The following PAPSS1 variants were observed in gnomAD, a reference collection of about 807,000 sequenced individuals.
The protein encoded by PAPSS1 is 3'-phosphoadenosine 5'-phosphosulfate synthase 1, also known as bifunctional 3'-phosphoadenosine 5'-phosphosulfate synthase 1.
PAPSS1 carries 50 observed loss-of-function variants against 72.0 expected under a neutral mutation model. That is an observed-to-expected ratio of 0.69 (90% CI 0.55 to 0.88). The LOEUF is 0.88. Among genes scored for constraint, PAPSS1 ranks in the 40% least tolerant of loss-of-function variants. The pLI is 0.00. For synonymous variants in PAPSS1, 261 were observed against 263.6 expected (o/e 0.99, Z 0.09); for missense variants, 657 against 782.2 (o/e 0.84, Z 1.91).
At chr4:107,680,972 A>G (rs192492912) in intron 5 of PAPSS1, among the ~76,000 whole-genome samples, 1 of 152,332 alleles carries the variant, frequency 6.6e-6, no homozygotes, top group Admixed American at 6.5e-5. Flanking sequence ...AAATAAATAA[A>G]TTAGGAAGGA....
intron 11 of PAPSS1, among the ~76,000 whole-genome samples, chr4:107,627,327 T>C (rs145646756): frequency 6.6e-6 from 1 of 152,306 alleles, no homozygotes; most frequent in Admixed American, 6.5e-5. Context: ...TTGCTCTCCC[T>C]TGCCACTATA....
chr4:107,654,504 T>A (rs540889425), intron 8 of PAPSS1, among the ~76,000 whole-genome samples, 191 bp downstream of exon 8: 8 of 152,294 alleles, frequency 5.3e-5, no homozygotes, highest in South Asian at 2.1e-4. Context: ...TAAAATATGT[T>A]TGTTGAATAA....
chr4:107,655,804 G>A (rs796662138), intron 7 of PAPSS1, among the ~76,000 whole-genome samples: 2 of 152,290 alleles, frequency 1.3e-5, no homozygotes, highest in African/African-American at 4.8e-5. Context: ...CTAAATCATC[G>A]TAAAGGAGGT....
chr4:107,628,315 TTATTTCAAA>T (rs1309946175), intron 11 of PAPSS1, among the ~76,000 whole-genome samples: 2 of 152,234 alleles, frequency 1.3e-5, no homozygotes, highest in African/African-American at 4.8e-5. Context: ...AACTTATCAT[TTATTTCAAA>T]TAAATCAAAT....
At chr4:107,616,834 G>A (rs1578375796) in intron 11 of PAPSS1, among the ~76,000 whole-genome samples, 1 of 152,144 alleles carries the variant, frequency 6.6e-6, no homozygotes, top group African/African-American at 2.4e-5. Context: ...CATAATATAA[G>A]AAATGTTAGT....
At chr4:107,675,616 C>A (rs1000887300) in intron 5 of PAPSS1, among the ~76,000 whole-genome samples, 33 of 152,186 alleles carry the variant, frequency 2.2e-4, no homozygotes, top group African/African-American at 6.5e-4. Flanking sequence ...CAAGGAGGAG[C>A]TGGTAACATT....
chr4:107,640,607 C>A (rs888457145), intron 10 of PAPSS1, among the ~76,000 whole-genome samples: 1 of 152,046 alleles, frequency 6.6e-6, no homozygotes, highest in Non-Finnish European at 1.5e-5. Flanking sequence ...GCAAATAAGT[C>A]AAACAAGTCA....
At chr4:107,614,485 G>GAA in intron 11 of PAPSS1, 98 bp from the exon 12 acceptor site, 1 of 808,878 alleles carries the variant, frequency 1.2e-6, no homozygotes, top group Non-Finnish European at 1.9e-6. Flanking sequence ...CAAACTTAAT[G>GAA]AAAAAAAAAT....
chr4:107,614,064 T>C lies in PAPSS1; in HGVS notation c.*185A>G, dbSNP rs1725757289. The C allele has an allele frequency of 2.3e-6, 1 of 441,204 alleles. No individual in the cohort carries two copies. The highest frequency in any genetic ancestry group is 4.0e-6 in the Non-Finnish European group (1 of 247,816). 27.3% of individuals were successfully genotyped at this position (441,204 alleles called of 1,614,324 possible). On this transcript the variant is annotated 3_prime_UTR_variant, in exon 12 of 12. Coordinates refer to ENST00000265174, the MANE Select transcript of PAPSS1 (RefSeq NM_005443.5). The stretch of plus-strand genomic sequence containing the variant: ...AAGTGGAAAAGATACATTAAAACCA[T>C]CAGTGTGTTACACTTGTTCAAAACA...
intron 11 of PAPSS1, among the ~76,000 whole-genome samples, chr4:107,624,895 A>G (rs1178934477): frequency 6.6e-6 from 1 of 152,242 alleles, no homozygotes; most frequent in Non-Finnish European, 1.5e-5. Flanking sequence ...TAACAGAAAT[A>G]CTTGTGTATT....
At chr4:107,635,162 A>G (rs1726337447) in intron 10 of PAPSS1, among the ~76,000 whole-genome samples, 1 of 152,220 alleles carries the variant, frequency 6.6e-6, no homozygotes, top group East Asian at 1.9e-4. Flanking sequence ...TTTATATTCT[A>G]TTAGCCTTGA....
intron 4 of PAPSS1, among the ~76,000 whole-genome samples, chr4:107,685,020 C>A (rs1431589602): frequency 6.6e-6 from 1 of 152,186 alleles, no homozygotes. Context: ...ATTCTCCTGC[C>A]TCAGCCTCCT....
chr4:107,664,640 T>C (rs1167190646), intron 5 of PAPSS1, among the ~76,000 whole-genome samples: 1 of 152,100 alleles, frequency 6.6e-6, no homozygotes, highest in African/African-American at 2.4e-5. Context: ...TACCATTTCC[T>C]TCCAACCATA....
intron 1 of PAPSS1, among the ~76,000 whole-genome samples, chr4:107,705,930 C>T (rs1317045102): frequency 6.6e-6 from 1 of 152,168 alleles, no homozygotes; most frequent in Non-Finnish European, 1.5e-5. Flanking sequence ...TTGTTGAATA[C>T]AGTATTCTTT....
At chr4:107,641,146 T>C (rs891641997) in intron 10 of PAPSS1, among the ~76,000 whole-genome samples, 3 of 152,212 alleles carry the variant, frequency 2.0e-5, no homozygotes, top group African/African-American at 7.2e-5. Context: ...CAGGCCTGCA[T>C]TGCCCAACTG....
intron 5 of PAPSS1, among the ~76,000 whole-genome samples, chr4:107,661,948 CCT>C (rs1377309578): frequency 1.3e-5 from 2 of 152,124 alleles, no homozygotes; most frequent in Non-Finnish European, 2.9e-5. Flanking sequence ...TCTCACACAC[CCT>C]GTTTCCTCAA....
intron 5 of PAPSS1, among the ~76,000 whole-genome samples, chr4:107,670,451 G>C (rs1417510446): frequency 6.6e-6 from 1 of 152,118 alleles, no homozygotes; most frequent in Non-Finnish European, 1.5e-5. Flanking sequence ...CAATAAATAA[G>C]AAAATATGCA....
rs145335663 is a variant in PAPSS1 at position 107,656,910 on chromosome 4, T to A, written c.881A>T (p.Asp294Val). 29 of 1,604,552 alleles carry A rather than the reference T, an allele frequency of 1.8e-5. No homozygotes were observed. The East Asian group carries it at 3.8e-4, about 21-fold the overall frequency. The stretch of plus-strand genomic sequence containing the variant: ...AAATGTCTTACCATCCAGAAGACAA[T>A]CAAAATGAAGGCACTGCAAGTACTC... Reference protein sequence around the residue: ...EREYLQCLHFDCLLDGGVINL... With the variant: ...EREYLQCLHFVCLLDGGVINL... The change falls in exon 7 of 12, where the codon GAT becomes GTT. Residue 294 changes from aspartate (D) to valine (V), a missense_variant. By Grantham distance (152) the Asp-to-Val change is radical. This residue lies in a region of PAPSS1 where 190 missense variants were observed against 176.7 expected (regional missense o/e 1.07). Coordinates refer to ENST00000265174, the MANE Select transcript of PAPSS1 (RefSeq NM_005443.5).
At chr4:107,687,784 T>C (rs1722825247) in intron 3 of PAPSS1, among the ~76,000 whole-genome samples, 1 of 152,190 alleles carries the variant, frequency 6.6e-6, no homozygotes, top group Non-Finnish European at 1.5e-5. Context: ...CTTCAAAACC[T>C]GATTCTCCCT....
Sources: gnomAD v4.1 joint callset for allele counts (sites outside exome capture counted in the v4.1 genomes callset) on GRCh38, gnomAD v4.1.1 for gene constraint, gnomAD v4.1.1 regional missense constraint, MANE v1.5 for transcripts, NCBI Gene and HGNC (gene_info 2026-07-23, HGNC 2026-07-21) for gene names.